The following CDKAL1 variants were observed in gnomAD, a reference collection of about 807,000 sequenced individuals.
CDKAL1 encodes threonylcarbamoyladenosine tRNA methylthiotransferase.
Under a neutral mutation model 68.2 loss-of-function variants are expected in CDKAL1, and 32 were observed. That is an observed-to-expected ratio of 0.47 (90% CI 0.35 to 0.63). The LOEUF is 0.63. CDKAL1 is among the 30% of genes least tolerant of loss of function. The pLI is 0.00. For missense variants in CDKAL1, 606 were observed against 696.7 expected, an observed-to-expected ratio of 0.87 and a Z score of 1.47; for synonymous variants, 234 against 244.3, an observed-to-expected ratio of 0.96 and a Z score of 0.39.
intron 13 of CDKAL1, among the ~76,000 whole-genome samples, chr6:21,117,285 A>G (rs1400242372): frequency 9.8e-5 from 11 of 111,978 alleles, no homozygotes; most frequent in Non-Finnish European, 1.4e-4. Flanking sequence ...TTTCAGATAA[A>G]TTGTTTTTTT....
At chr6:20,888,985 C>G (rs926126664) in intron 9 of CDKAL1, among the ~76,000 whole-genome samples, 1 of 152,292 alleles carries the variant, frequency 6.6e-6, no homozygotes. Flanking sequence ...ACAGTCCCAC[C>G]AACAGTGTCA....
chr6:20,896,098 C>CTTTTTTTTTTTTTTTTTTTTTT (rs1291895133), intron 9 of CDKAL1, among the ~76,000 whole-genome samples: 2 of 104,128 alleles, frequency 1.9e-5, no homozygotes, highest in East Asian at 3.5e-4. Flanking sequence ...CTTTTCTTTT[C>CTTTTTTTTTTTTTTTTTTTTTT]TTTTCTTTTT....
At chr6:21,069,804 T>TTTAAAAAA (rs60342057) in intron 12 of CDKAL1, among the ~76,000 whole-genome samples, 3 of 85,476 alleles carry the variant, frequency 3.5e-5, no homozygotes, top group South Asian at 4.4e-4. Flanking sequence ...TTTTTTTTTT[T>TTTAAAAAA]AAAACAGAGC....
intron 4 of CDKAL1, among the ~76,000 whole-genome samples, chr6:20,587,237 G>A (rs6938955): frequency 1.3e-5 from 2 of 151,830 alleles, no homozygotes; most frequent in Non-Finnish European, 2.9e-5. Context: ...TCCACCTGCC[G>A]CAGCCTCCCA....
intron 7 of CDKAL1, among the ~76,000 whole-genome samples, chr6:20,761,294 T>C (rs1209470344): frequency 1.3e-5 from 2 of 152,210 alleles, no homozygotes; most frequent in Non-Finnish European, 2.9e-5. Flanking sequence ...GGCAAGGATA[T>C]GGAGCAACAG....
chr6:20,678,704 T>C (rs1770237392), intron 5 of CDKAL1, among the ~76,000 whole-genome samples: 1 of 152,184 alleles, frequency 6.6e-6, no homozygotes, highest in African/African-American at 2.4e-5. Flanking sequence ...GACTTACTGT[T>C]TGATGTGACT....
intron 11 of CDKAL1, among the ~76,000 whole-genome samples, chr6:21,041,146 G>A (rs983574555): frequency 6.6e-6 from 1 of 152,162 alleles, no homozygotes; most frequent in Admixed American, 6.5e-5. Flanking sequence ...GCAATCAGAT[G>A]CAAGTAAACC....
chr6:21,129,562 A>G lies in CDKAL1; in HGVS notation c.1299+21099A>G, dbSNP rs1053371287. On this transcript the variant is annotated intron_variant, in intron 13 of 15. Transcript: ENST00000274695. ...TTCCCAACAGTTCCTGCACCTTAGAATTTTGCTTCGATGTGTGTAGACTCA... is the reference window on the plus strand; with the variant it reads ...TTCCCAACAGTTCCTGCACCTTAGAGTTTTGCTTCGATGTGTGTAGACTCA... Among the ~76,000 whole-genome samples, 6 of 151,562 alleles carry G rather than the reference A, an allele frequency of 4.0e-5. No homozygotes were observed. In the East Asian group the frequency reaches 1.2e-3, roughly 30 times the overall value.
chr6:20,703,112 T>A (rs1771444594), intron 5 of CDKAL1, among the ~76,000 whole-genome samples: 1 of 152,244 alleles, frequency 6.6e-6, no homozygotes, highest in Non-Finnish European at 1.5e-5. Context: ...CATTGTAAGT[T>A]GACTTTTGGC....
intron 9 of CDKAL1, among the ~76,000 whole-genome samples, chr6:20,871,871 A>G (rs997114360): frequency 2.0e-5 from 3 of 152,180 alleles, no homozygotes; most frequent in Non-Finnish European, 2.9e-5. Context: ...TCATAGCTCT[A>G]TAACCTTCAA....
chr6:20,647,894 C>T (rs946854936), intron 4 of CDKAL1, among the ~76,000 whole-genome samples: 3 of 151,370 alleles, frequency 2.0e-5, no homozygotes, highest in African/African-American at 4.9e-5. Context: ...AAGTAGTTTC[C>T]ATGCCTTTCA....
At chr6:20,993,059 T>C (rs1766925019) in intron 10 of CDKAL1, among the ~76,000 whole-genome samples, 1 of 152,092 alleles carries the variant, frequency 6.6e-6, no homozygotes, top group Non-Finnish European at 1.5e-5. Flanking sequence ...AGTTAGGAAG[T>C]AGACTAGTGG....
At chr6:21,207,233 T>C (rs2151114437) in intron 15 of CDKAL1, among the ~76,000 whole-genome samples, 1 of 152,098 alleles carries the variant, frequency 6.6e-6, no homozygotes, top group East Asian at 1.9e-4. Flanking sequence ...TTTTTTTTTT[T>C]TAAGTACTTT....
At chr6:20,849,740 A>G (rs1758910437) in intron 9 of CDKAL1, among the ~76,000 whole-genome samples, 1 of 152,278 alleles carries the variant, frequency 6.6e-6, no homozygotes. Flanking sequence ...TTTGAGTCCA[A>G]ATTATGTTTT....
intron 9 of CDKAL1, among the ~76,000 whole-genome samples, chr6:20,916,919 T>C (rs553585402): frequency 6.6e-6 from 1 of 152,264 alleles, no homozygotes; most frequent in African/African-American, 2.4e-5. Flanking sequence ...CTTGAAAGGC[T>C]GTTCTTAATA....
intron 13 of CDKAL1, among the ~76,000 whole-genome samples, chr6:21,186,138 C>T (rs1313114819): frequency 6.6e-6 from 1 of 152,100 alleles, no homozygotes; most frequent in African/African-American, 2.4e-5. Flanking sequence ...ATGTATTGCC[C>T]ACTGCTGAAA....
chr6:20,601,573 G>A (rs2127712885), intron 4 of CDKAL1, among the ~76,000 whole-genome samples: 1 of 152,254 alleles, frequency 6.6e-6, no homozygotes, highest in East Asian at 1.9e-4. Context: ...CCTCTCCTCT[G>A]TTAGCGTGCT....
At chr6:20,644,390 T>A (rs1345136563) in intron 4 of CDKAL1, among the ~76,000 whole-genome samples, 2 of 151,982 alleles carry the variant, frequency 1.3e-5, no homozygotes, top group Non-Finnish European at 2.9e-5. Flanking sequence ...TAATTAAGAA[T>A]CTCCTGGCCA....
At chr6:20,755,215 CTGTATTATCTT>C (rs571777488) in intron 6 of CDKAL1, among the ~76,000 whole-genome samples, 1 of 152,128 alleles carries the variant, frequency 6.6e-6, no homozygotes, top group Non-Finnish European at 1.5e-5. Context: ...CTATTCATGT[CTGTATTATCTT>C]TGGCAATCTG....
Sources: gnomAD v4.1 joint callset for allele counts (sites outside exome capture counted in the v4.1 genomes callset) on GRCh38, gnomAD v4.1.1 for gene constraint, MANE v1.5 for transcripts, NCBI Gene and HGNC (gene_info 2026-07-23, HGNC 2026-07-21) for gene names.